Variants in STXBP5L observed in about 807,000 individuals in gnomAD.
STXBP5L encodes the protein syntaxin binding protein 5L.
STXBP5L carries 65 observed loss-of-function variants against 144.5 expected under a neutral mutation model. The observed-to-expected ratio is 0.45, with a 90% CI of 0.37 to 0.55. STXBP5L has a LOEUF of 0.55. Ranked by LOEUF, STXBP5L falls within the 20% of genes least tolerant of loss-of-function variation. The pLI is 0.00. For missense variants in STXBP5L, 1,298 were observed against 1,405.5 expected (o/e 0.92, Z 1.22); for synonymous variants, 505 against 469.6 (o/e 1.08, Z -0.97).
intron 19 of STXBP5L, among the ~76,000 whole-genome samples, chr3:121,309,924 G>A (rs2043467867): frequency 6.6e-6 from 1 of 152,158 alleles, no homozygotes; most frequent in Non-Finnish European, 1.5e-5. Flanking sequence ...CTGATTTCAA[G>A]ATGTGCCTTA....
intron 14 of STXBP5L, among the ~76,000 whole-genome samples, chr3:121,241,322 G>A (rs1016182769): frequency 4.6e-5 from 7 of 151,770 alleles, no homozygotes; most frequent in Non-Finnish European, 4.4e-5. Context: ...TATCAAGACA[G>A]AAAACATATG....
intron 7 of STXBP5L, among the ~76,000 whole-genome samples, chr3:121,134,169 T>C (rs2045131424): frequency 6.6e-6 from 1 of 152,180 alleles, no homozygotes; most frequent in Admixed American, 6.5e-5. Flanking sequence ...GAGAACCTTC[T>C]TGCTGGTAGG....
chr3:121,358,601 C>T (rs1433210530), intron 20 of STXBP5L, among the ~76,000 whole-genome samples: 1 of 152,184 alleles, frequency 6.6e-6, no homozygotes, highest in African/African-American at 2.4e-5. Context: ...CACCTCCCAC[C>T]AGGCCCCACC....
intron 3 of STXBP5L, among the ~76,000 whole-genome samples, chr3:121,017,943 G>A (rs774120723): frequency 5.3e-5 from 8 of 152,046 alleles, no homozygotes; most frequent in Admixed American, 2.0e-4. Flanking sequence ...GCCATGTGTT[G>A]TGGCATGCAC....
intron 24 of STXBP5L, among the ~76,000 whole-genome samples, chr3:121,415,063 T>G (rs1290623326): frequency 1.3e-5 from 2 of 151,914 alleles, no homozygotes; most frequent in Non-Finnish European, 2.9e-5. Context: ...TCAGTAGAGG[T>G]AAAGGGAGAT....
At chr3:121,189,792 G>C (rs1041327325) in intron 9 of STXBP5L, among the ~76,000 whole-genome samples, 3 of 151,532 alleles carry the variant, frequency 2.0e-5, no homozygotes, top group Non-Finnish European at 2.9e-5. Flanking sequence ...TTATACATTT[G>C]ACTCATTTTT....
At chr3:120,991,739 CT>C (rs1237117522) in intron 3 of STXBP5L, among the ~76,000 whole-genome samples, 1 of 151,306 alleles carries the variant, frequency 6.6e-6, no homozygotes, top group Non-Finnish European at 1.5e-5. Flanking sequence ...CATGTTCTCA[CT>C]CATAGGTGGG....
At chr3:121,302,065 T>C (rs913003835) in intron 19 of STXBP5L, among the ~76,000 whole-genome samples, 2 of 152,346 alleles carry the variant, frequency 1.3e-5, no homozygotes, top group South Asian at 4.1e-4. Flanking sequence ...CCGCATAAAA[T>C]GAGTTAGGGA....
At chr3:121,359,498 G>T (rs1402822517) in intron 20 of STXBP5L, among the ~76,000 whole-genome samples, 1 of 152,066 alleles carries the variant, frequency 6.6e-6, no homozygotes, top group Non-Finnish European at 1.5e-5. Context: ...GGGGGTGCTT[G>T]TGGGGTGTTG....
Position 121,255,057 on chromosome 3 carries a change from C to G in STXBP5L, c.1604C>G (p.Ser535Cys). The G allele has an allele frequency of 6.2e-7, 1 of 1,608,144 alleles. No homozygotes were observed. The highest frequency in any genetic ancestry group is 1.1e-5 in the South Asian group (1 of 89,710). The change falls in exon 16 of 27, where the codon TCT becomes TGT. Residue 535 changes from serine to cysteine, a missense_variant. Coordinates refer to ENST00000471454, the MANE Select transcript of STXBP5L (RefSeq NM_001308330.2). ...ESRIFCVSGV[S>C]AYVIIYKFSR... ...AGAATATTCTGTGTATCAGGAGTCT[C>G]TGCATATGTCATAATTTATAAATTC... is the stretch of plus-strand genomic sequence containing the variant.
chr3:120,994,945 C>T (rs566760780), intron 3 of STXBP5L, among the ~76,000 whole-genome samples: 20 of 152,080 alleles, frequency 1.3e-4, no homozygotes, highest in African/African-American at 4.8e-4. Context: ...CTGATTCAAT[C>T]TTGTTATCCA....
At position 120,977,321 on chromosome 3, in the gene STXBP5L, A is replaced by T. The variant is rs1941173330; in HGVS notation, c.287+22284A>T. Among the ~76,000 whole-genome samples the T allele has an allele frequency of 2.0e-5, 3 of 151,962 alleles. No individual in the cohort carries two copies. The Middle Eastern group carries it at 0.01, about 517-fold the overall frequency. On this transcript the variant is annotated intron_variant, in intron 3 of 26. Coordinates refer to ENST00000471454, the MANE Select transcript of STXBP5L (RefSeq NM_001308330.2). The stretch of plus-strand genomic sequence containing the variant: ...GTAATGGCCTTCTTTGTCCCTTTTG[A>T]TCTTTGTTGGTTTAAAGTCTGTTTT...
At chr3:121,039,206 T>G (rs73855312) in intron 3 of STXBP5L, among the ~76,000 whole-genome samples, 2,922 of 152,006 alleles carry the variant, frequency 0.019, 100 homozygotes, top group African/African-American at 0.067. Context: ...TATTTTTTGT[T>G]AAACTTTTTA....
At chr3:121,060,481 C>T (rs1240048066) in intron 5 of STXBP5L, among the ~76,000 whole-genome samples, 2 of 152,174 alleles carry the variant, frequency 1.3e-5, no homozygotes, top group African/African-American at 4.8e-5. Flanking sequence ...ATGAAGCTGG[C>T]CTCATAAAAT....
intron 3 of STXBP5L, among the ~76,000 whole-genome samples, chr3:120,996,187 G>T (rs1943332545): frequency 6.6e-6 from 1 of 151,476 alleles, no homozygotes; most frequent in Non-Finnish European, 1.5e-5. Flanking sequence ...GTTTTGTTTT[G>T]TTTTAGTTTT....
At chr3:121,169,389 A>G (rs2046621697) in intron 9 of STXBP5L, among the ~76,000 whole-genome samples, 1 of 152,184 alleles carries the variant, frequency 6.6e-6, no homozygotes, top group African/African-American at 2.4e-5. Context: ...AAAGACACAG[A>G]CTGGCAAATT....
intron 20 of STXBP5L, among the ~76,000 whole-genome samples, chr3:121,322,144 G>A (rs927538412): frequency 3.3e-5 from 5 of 152,056 alleles, no homozygotes; most frequent in African/African-American, 7.3e-5. Flanking sequence ...ATTTGCTTAG[G>A]GTAATGACTT....
chr3:121,004,782 G>T lies in STXBP5L; in HGVS notation c.288-36918G>T, dbSNP rs149119846. ...TGAAGCGTTGTTGAATTTTGTCAAAGGCCTTTTATGCATCTATTGAGATAA... is the reference window on the plus strand; with the variant it reads ...TGAAGCGTTGTTGAATTTTGTCAAATGCCTTTTATGCATCTATTGAGATAA... On this transcript the variant is annotated intron_variant, in intron 3 of 26. Coordinates refer to ENST00000471454, the MANE Select transcript of STXBP5L (RefSeq NM_001308330.2). Among the ~76,000 whole-genome samples the T allele has an allele frequency of 2.8e-4, 43 of 152,232 alleles. 1 individual carries two copies. In the East Asian group the frequency reaches 8.3e-3, roughly 29 times the overall value.
chr3:121,208,466 A>C (rs1323961099), intron 10 of STXBP5L, among the ~76,000 whole-genome samples: 2 of 152,192 alleles, frequency 1.3e-5, no homozygotes, highest in African/African-American at 4.8e-5. Flanking sequence ...CAAGTACCCT[A>C]GAACTTAAAG....
Sources: gnomAD v4.1 joint callset for allele counts (sites outside exome capture counted in the v4.1 genomes callset) on GRCh38, gnomAD v4.1.1 for gene constraint, MANE v1.5 for transcripts, NCBI Gene and HGNC (gene_info 2026-07-23, HGNC 2026-07-21) for gene names.